Variants in ERC2 observed in about 807,000 individuals in gnomAD.
ERC2 encodes the protein ERC protein 2.
ERC2 carries 42 observed loss-of-function variants against 114.8 expected under a neutral mutation model. The ratio of observed to expected loss-of-function variants is 0.37; its 90% CI spans 0.29 to 0.47. The LOEUF is 0.47. ERC2 is among the 20% of genes least tolerant of loss of function. The probability of loss-of-function intolerance (pLI) is 0.99; values close to 1 mark genes in which losing one functional copy is unlikely to be tolerated. For synonymous variants in ERC2, 454 were observed against 425.5 expected, an observed-to-expected ratio of 1.07 and a Z score of -0.82; for missense variants, 939 against 1,150.7, an observed-to-expected ratio of 0.82 and a Z score of 2.66.
intron 14 of ERC2, among the ~76,000 whole-genome samples, chr3:55,864,186 TATATATATACAC>T (rs1164062315): frequency 1.4e-5 from 2 of 139,626 alleles, no homozygotes; most frequent in South Asian, 2.3e-4. Flanking sequence ...TATATACACA[TATATATATACAC>T]ATATATATAC....
chr3:56,418,966 C>A (rs1252762340), intron 2 of ERC2, among the ~76,000 whole-genome samples: 1 of 152,210 alleles, frequency 6.6e-6, no homozygotes, highest in East Asian at 1.9e-4. Flanking sequence ...AAGCTTTCTT[C>A]CCTAGACCAA....
intron 17 of ERC2, among the ~76,000 whole-genome samples, chr3:55,582,303 C>T (rs2057303350): frequency 6.6e-6 from 1 of 152,188 alleles, no homozygotes; most frequent in South Asian, 2.1e-4. Flanking sequence ...ATCCCTGCTC[C>T]AAGTAGGTAC....
At chr3:55,533,802 C>T (rs1401917462) in intron 17 of ERC2, among the ~76,000 whole-genome samples, 4 of 152,228 alleles carry the variant, frequency 2.6e-5, no homozygotes, top group Non-Finnish European at 5.9e-5. Context: ...CAGGACAGCT[C>T]TGCATTTTCT....
At chr3:56,046,281 G>A (rs984276606) in intron 7 of ERC2, among the ~76,000 whole-genome samples, 14 of 152,184 alleles carry the variant, frequency 9.2e-5, no homozygotes, top group South Asian at 2.1e-4. Context: ...AAAGGTCTGA[G>A]AATTCAGAAA....
chr3:56,083,686 A>G (rs2077356538), intron 6 of ERC2, among the ~76,000 whole-genome samples: 1 of 152,160 alleles, frequency 6.6e-6, no homozygotes, highest in Non-Finnish European at 1.5e-5. Flanking sequence ...ACCTTATAAC[A>G]CAACTGGGAG....
intron 3 of ERC2, among the ~76,000 whole-genome samples, chr3:56,253,170 T>C (rs984567222): frequency 2.0e-5 from 3 of 152,198 alleles, no homozygotes; most frequent in African/African-American, 7.2e-5. Flanking sequence ...AAACTCTGGC[T>C]CCAGAGACCA....
intron 17 of ERC2, among the ~76,000 whole-genome samples, chr3:55,583,399 T>TTTCCTTCCTTCC (rs568033136): frequency 3.4e-4 from 30 of 87,072 alleles, no homozygotes; most frequent in East Asian, 2.5e-3. Context: ...TCCTTCCTTC[T>TTTCCTTCCTTCC]TTCCTTCCTT....
intron 2 of ERC2, among the ~76,000 whole-genome samples, chr3:56,427,634 A>G (rs1262339184): frequency 6.6e-6 from 1 of 152,140 alleles, no homozygotes; most frequent in Non-Finnish European, 1.5e-5. Flanking sequence ...TGTCCTTATG[A>G]AAAGGAGAAA....
At chr3:55,565,732 G>A (rs755616835) in intron 17 of ERC2, among the ~76,000 whole-genome samples, 5 of 152,188 alleles carry the variant, frequency 3.3e-5, no homozygotes, top group South Asian at 2.1e-4. Context: ...ATGAAACATC[G>A]TGTTGAAAAC....
intron 14 of ERC2, among the ~76,000 whole-genome samples, chr3:55,883,469 G>T (rs539012692): frequency 1.7e-4 from 26 of 152,094 alleles, no homozygotes; most frequent in Middle Eastern, 3.4e-3. Flanking sequence ...TGATTAAACA[G>T]TTCTGCATCT....
chr3:56,085,630 T>C (rs1032639781), intron 6 of ERC2, among the ~76,000 whole-genome samples: 21 of 152,274 alleles, frequency 1.4e-4, no homozygotes, highest in African/African-American at 4.8e-4. Flanking sequence ...GTTACCTTCA[T>C]CTACCAGCCT....
rs116410147 is a variant in ERC2, at chr3:55,812,268, C to T, written c.2564+76121G>A. On this transcript the variant is annotated intron_variant, in intron 14 of 17. Transcript: ENST00000288221. ...GTACCTTCTCCCATAGAGGGGACCT[C>T]GACAACCACTTGCTGAAGCAGTAAA... is the stretch of plus-strand genomic sequence containing the variant. Among the ~76,000 whole-genome samples the T allele has an allele frequency of 6.9e-3, 1,055 of 152,242 alleles. 5 individuals carry two copies. The highest frequency in any genetic ancestry group is 0.012 in the Non-Finnish European group (810 of 68,018).
intron 2 of ERC2, among the ~76,000 whole-genome samples, chr3:56,410,075 G>A (rs1435274534): frequency 1.3e-5 from 2 of 152,166 alleles, no homozygotes; most frequent in Admixed American, 1.3e-4. Flanking sequence ...GCCTGGGTGA[G>A]GCTTTTTTCC....
intron 13 of ERC2, among the ~76,000 whole-genome samples, chr3:55,921,093 CTG>C (rs966527841): frequency 6.6e-6 from 1 of 152,118 alleles, no homozygotes; most frequent in African/African-American, 2.4e-5. Context: ...TAAAAACTGA[CTG>C]TGAATGTGTT....
At chr3:55,524,334 G>C (rs2053164332) in intron 17 of ERC2, among the ~76,000 whole-genome samples, 1 of 152,050 alleles carries the variant, frequency 6.6e-6, no homozygotes, top group African/African-American at 2.4e-5. Context: ...ACATCACTGG[G>C]GCCAGGAAGG....
intron 1 of ERC2, among the ~76,000 whole-genome samples, chr3:56,464,477 G>A (rs919494114): frequency 6.6e-6 from 1 of 152,244 alleles, no homozygotes; most frequent in Non-Finnish European, 1.5e-5. Context: ...GAAGACCCAT[G>A]AGTGTGAAAA....
intron 7 of ERC2, among the ~76,000 whole-genome samples, chr3:56,050,119 T>C (rs1055578161): frequency 1.3e-5 from 2 of 152,212 alleles, no homozygotes; most frequent in Non-Finnish European, 2.9e-5. Context: ...TATATGTTGA[T>C]TGCAGTGATG....
chr3:55,940,886 A>C (rs1287413198), intron 13 of ERC2, among the ~76,000 whole-genome samples: 2 of 152,184 alleles, frequency 1.3e-5, no homozygotes, highest in African/African-American at 2.4e-5. Flanking sequence ...GAGGGGCCTG[A>C]CCAGCATCTT....
At chr3:56,214,238 A>C (rs2049288960) in intron 3 of ERC2, among the ~76,000 whole-genome samples, 1 of 152,154 alleles carries the variant, frequency 6.6e-6, no homozygotes, top group South Asian at 2.1e-4. Context: ...GAAGTTAAAA[A>C]CCTTGAAAAA....
Sources: gnomAD v4.1 joint callset for allele counts (sites outside exome capture counted in the v4.1 genomes callset) on GRCh38, gnomAD v4.1.1 for gene constraint, MANE v1.5 for transcripts, NCBI Gene and HGNC (gene_info 2026-07-23, HGNC 2026-07-21) for gene names.